Variants in ORC5 observed in about 807,000 individuals in gnomAD.
ORC5 encodes origin recognition complex subunit 5, also known as protein phosphatase 1, regulatory subunit 117.
In ORC5, 39 loss-of-function variants were observed where a neutral mutation model predicts 58.8. The ratio of observed to expected loss-of-function variants is 0.66; its 90% CI spans 0.51 to 0.87. ORC5 has a LOEUF of 0.87. ORC5 is among the 40% of genes least tolerant of loss of function. ORC5 has a pLI of 0.00. For missense variants in ORC5, 493 were observed against 506.3 expected (o/e 0.97, Z 0.25); for synonymous variants, 218 against 177.6 (o/e 1.23, Z -1.81).
chr7:104,196,011 C>G (rs1799792744), intron 4 of ORC5, among the ~76,000 whole-genome samples: 1 of 152,102 alleles, frequency 6.6e-6, no homozygotes, highest in African/African-American at 2.4e-5. Context: ...TGCCAGATTT[C>G]TCTTAAATGA....
chr7:104,155,454 C>T (rs1036566070), intron 12 of ORC5, among the ~76,000 whole-genome samples: 1 of 151,334 alleles, frequency 6.6e-6, no homozygotes, highest in Non-Finnish European at 1.5e-5. Flanking sequence ...CTTTTCTAAT[C>T]TTTCAGCTGT....
intron 10 of ORC5, 140 bp from the exon 11 acceptor site, chr7:104,165,422 T>G: frequency 1.7e-6 from 1 of 573,850 alleles, no homozygotes; most frequent in Non-Finnish European, 3.1e-6. Flanking sequence ...CTTATCACCT[T>G]GTATATATAT....
Position 104,197,806 on chromosome 7 carries a change from A to G in ORC5, c.367-7T>C. The G allele has an allele frequency of 1.3e-6, 2 of 1,486,174 alleles. No homozygotes were observed. The highest frequency in any genetic ancestry group is 1.4e-5 in the African/African-American group (1 of 70,196). The allele number at this position is 1,486,174 out of a possible 1,614,324, so 92.1% of individuals were successfully genotyped here. ...ACTCTGCTTTATCTAGAACCTTTAAAAAACAAAAAAACAAAACAAAAAGAA... is the reference window on the plus strand; with the variant it reads ...ACTCTGCTTTATCTAGAACCTTTAAGAAACAAAAAAACAAAACAAAAAGAA... On this transcript the variant is annotated splice_polypyrimidine_tract_variant and splice_region_variant and intron_variant, in intron 3 of 13. Transcript: ENST00000297431.
chr7:104,201,364 G>A lies in ORC5; in HGVS notation c.166-406C>T, dbSNP rs1345955139. On this transcript the variant is annotated intron_variant, in intron 2 of 13. Transcript: ENST00000297431. ...CTATGGTCCCTTCAGGCCTGGAGGTGGTAAAGGCCCTGGTGTACCATCATC... is the reference window on the plus strand; with the variant it reads ...CTATGGTCCCTTCAGGCCTGGAGGTAGTAAAGGCCCTGGTGTACCATCATC... Among the ~76,000 whole-genome samples the A allele has an allele frequency of 2.0e-5, 3 of 152,008 alleles. No individual in the cohort carries two copies. In the East Asian group the frequency reaches 5.8e-4, roughly 29 times the overall value.
Position 104,197,743 on chromosome 7 carries a change from A to G in ORC5, c.423T>C (p.Phe141=), listed in dbSNP as rs756909122. ...TACTTACCAATTCTTGTAATCTAAG[A>G]AATCCAGGCAAAAGATTTGCTTCCA... ...RDMEANLLPG[F]LRLQELADRN... is the part of the protein sequence containing the mutation. Residue 141 remains phenylalanine (F), a synonymous_variant, in exon 4 of 14, where the codon TTT becomes TTC. Transcript: ENST00000297431. The G allele has an allele frequency of 3.7e-6, 6 of 1,600,140 alleles. No individual in the cohort carries two copies. The highest frequency in any genetic ancestry group is 5.1e-6 in the Non-Finnish European group (6 of 1,173,834).
intron 3 of ORC5, 110 bp from the exon 4 acceptor site, chr7:104,197,909 A>T (rs1433092108): frequency 1.1e-5 from 7 of 611,424 alleles, no homozygotes; most frequent in Non-Finnish European, 5.6e-6. Context: ...CTTAATCCCC[A>T]GTGTGGCAGT....
intron 8 of ORC5, among the ~76,000 whole-genome samples, chr7:104,171,230 G>C (rs1799205622): frequency 1.3e-5 from 2 of 152,124 alleles, no homozygotes; most frequent in Admixed American, 1.3e-4. Flanking sequence ...GTGTTAAGGG[G>C]GAAATGTTCA....
At chr7:104,142,630 C>A (rs1412599444) in intron 12 of ORC5, among the ~76,000 whole-genome samples, 2 of 152,024 alleles carry the variant, frequency 1.3e-5, no homozygotes, top group African/African-American at 4.8e-5. Flanking sequence ...AATGGAAGCA[C>A]ATGTGAAAGT....
chr7:104,130,997 A>AT (rs955216495), intron 13 of ORC5, among the ~76,000 whole-genome samples: 5 of 152,224 alleles, frequency 3.3e-5, no homozygotes, highest in Admixed American at 2.6e-4. Flanking sequence ...GATTTCGATT[A>AT]TAATTCTTTG....
At chr7:104,188,228 A>ATATC in intron 6 of ORC5, 23 bp downstream of exon 6, 1 of 1,569,292 alleles carries the variant, frequency 6.4e-7, no homozygotes, top group East Asian at 2.2e-5. Context: ...ATATATATAT[A>ATATC]TTCAAGCAAA....
chr7:104,201,516 G>A (rs376270609), intron 2 of ORC5, among the ~76,000 whole-genome samples: 2 of 151,012 alleles, frequency 1.3e-5, no homozygotes, highest in African/African-American at 4.9e-5. Context: ...TTCCTATAAA[G>A]AATTCTTATA....
At chr7:104,161,823 G>C (rs1475593170) in intron 11 of ORC5, among the ~76,000 whole-genome samples, 1 of 152,148 alleles carries the variant, frequency 6.6e-6, no homozygotes, top group Admixed American at 6.6e-5. Context: ...CAGGTGTTAA[G>C]TAATTTTGCC....
At chr7:104,154,248 C>A (rs1477980107) in intron 12 of ORC5, among the ~76,000 whole-genome samples, 1 of 151,922 alleles carries the variant, frequency 6.6e-6, no homozygotes, top group African/African-American at 2.4e-5. Context: ...TGGGTATTAA[C>A]AAAATTTAGT....
At chr7:104,148,168 C>T (rs1162227726) in intron 12 of ORC5, among the ~76,000 whole-genome samples, 1 of 152,178 alleles carries the variant, frequency 6.6e-6, no homozygotes, top group African/African-American at 2.4e-5. Flanking sequence ...ATAAATAAAT[C>T]TCTCTTTTCC....
chr7:104,165,766 C>T, intron 10 of ORC5: 1 of 155,548 alleles, frequency 6.4e-6, no homozygotes, highest in Non-Finnish European at 1.4e-5. Flanking sequence ...TGGTCCTTGC[C>T]CTCTAGAAAC....
intron 2 of ORC5, 76 bp from the exon 3 acceptor site, chr7:104,201,034 C>CA: frequency 7.9e-7 from 1 of 1,270,744 alleles, no homozygotes. Context: ...TGGATAGTCT[C>CA]CATTTGCCTT....
chr7:104,200,983 T>C (rs368833099), intron 2 of ORC5, 25 bp from the exon 3 acceptor site: 13 of 1,580,882 alleles, frequency 8.2e-6, no homozygotes, highest in Non-Finnish European at 1.1e-5. Context: ...CAAAACACTG[T>C]AAGTAAAGAA....
intron 12 of ORC5, among the ~76,000 whole-genome samples, chr7:104,153,349 G>A (rs1798875274): frequency 6.6e-6 from 1 of 152,186 alleles, no homozygotes; most frequent in Admixed American, 6.5e-5. Context: ...AGTGGAGACT[G>A]AGCATCATGG....
intron 8 of ORC5, among the ~76,000 whole-genome samples, chr7:104,169,321 A>C (rs916885349): frequency 1.3e-5 from 2 of 152,196 alleles, no homozygotes; most frequent in Non-Finnish European, 2.9e-5. Flanking sequence ...TGCAGAGTTC[A>C]AGGTATTTTA....
Sources: allele counts gnomAD v4.1 joint callset (sites outside exome capture counted in the v4.1 genomes callset), GRCh38; gene constraint gnomAD v4.1.1; transcripts MANE v1.5; gene names NCBI Gene and HGNC (gene_info 2026-07-23, HGNC 2026-07-21).